KDM4C: variants seen among roughly 807,000 people sequenced by gnomAD.
KDM4C encodes lysine-specific demethylase 4C.
A neutral mutation model predicts 129.3 loss-of-function variants in KDM4C; 81 were observed. The observed-to-expected ratio is 0.63, with a 90% CI of 0.52 to 0.75. KDM4C has a LOEUF of 0.75. Among genes scored for constraint, KDM4C ranks in the 30% least tolerant of loss-of-function variants. The pLI is 0.00. For missense variants in KDM4C, 1,457 were observed against 1,304.0 expected, an observed-to-expected ratio of 1.12 and a Z score of -1.81; for synonymous variants, 573 against 456.1, an observed-to-expected ratio of 1.26 and a Z score of -3.26.
At chr9:6,990,671 G>C (rs983776935) in intron 12 of KDM4C, 147 bp downstream of exon 12, 1 of 592,396 alleles carries the variant, frequency 1.7e-6, no homozygotes, top group Admixed American at 3.3e-5. Context: ...ATAATTTACA[G>C]GTAAAAGGAA....
intron 3 of KDM4C, among the ~76,000 whole-genome samples, chr9:6,808,764 A>C (rs999460504): frequency 6.6e-5 from 10 of 150,384 alleles, no homozygotes; most frequent in Non-Finnish European, 1.5e-4. Context: ...GCCAGTTGTT[A>C]AGTGTAGCTA....
chr9:7,043,452 A>G (rs556009080), intron 15 of KDM4C, among the ~76,000 whole-genome samples: 30 of 152,164 alleles, frequency 2.0e-4, no homozygotes, highest in African/African-American at 7.0e-4. Flanking sequence ...AGAGTTATCA[A>G]TTCTGTTCTC....
At chr9:6,746,689 G>T (rs1370564726) in intron 1 of KDM4C, among the ~76,000 whole-genome samples, 3 of 149,752 alleles carry the variant, frequency 2.0e-5, no homozygotes, top group African/African-American at 7.4e-5. Context: ...AGACTAGCCT[G>T]GGCAACATGG....
At chr9:6,999,343 T>G (rs1377327814) in intron 12 of KDM4C, among the ~76,000 whole-genome samples, 4 of 152,190 alleles carry the variant, frequency 2.6e-5, no homozygotes, top group Admixed American at 6.5e-5. Context: ...ACAAATTTTT[T>G]TAAAGTATTA....
chr9:7,112,291 C>T (rs926913633), intron 18 of KDM4C, among the ~76,000 whole-genome samples: 8 of 152,118 alleles, frequency 5.3e-5, no homozygotes, highest in South Asian at 2.1e-4. Flanking sequence ...TGGTCCCATG[C>T]GAGGTTTATG....
rs558040348 is a variant in KDM4C, at chr9:6,771,740, G to T, written c.-18+13537G>T. ...CTCATAAAAGTCACAATGTAGAATT[G>T]CTGGAAAGCGCTGGTCCAGGCCACA... On this transcript the variant is annotated intron_variant, in intron 1 of 21. Transcript: ENST00000381309. 4.7e-4 allele frequency among the ~76,000 whole-genome samples: 72 copies of T among 152,314 alleles called. 1 individual carries two copies. The highest frequency in any genetic ancestry group is 1.6e-3 in the African/African-American group (68 of 41,566).
At chr9:6,810,930 C>A (rs1289839713) in intron 3 of KDM4C, among the ~76,000 whole-genome samples, 2 of 152,092 alleles carry the variant, frequency 1.3e-5, no homozygotes, top group East Asian at 3.8e-4. Flanking sequence ...GGACTAGTTT[C>A]ATTATAATTG....
intron 8 of KDM4C, among the ~76,000 whole-genome samples, chr9:6,952,769 G>T (rs1440079235): frequency 6.6e-6 from 1 of 152,096 alleles, no homozygotes; most frequent in Non-Finnish European, 1.5e-5. Context: ...GAAAGATCAT[G>T]TGCAGTATTT....
chr9:6,762,956 G>A lies in KDM4C; in HGVS notation c.-18+4753G>A, dbSNP rs111673708. ...ATTACAGGCATGAGCCACCACACCC[G>A]GCCAGGTCATTGTCTTTTTTACTCC... On this transcript the variant is annotated intron_variant, in intron 1 of 21. Coordinates refer to ENST00000381309, the MANE Select transcript of KDM4C (RefSeq NM_015061.6). Among the ~76,000 whole-genome samples the A allele has an allele frequency of 8.2e-3, 1,239 of 151,666 alleles. 18 individuals carry two copies. Among genetic ancestry groups the A allele is most frequent in the Non-Finnish European group, 0.013 (890 of 67,908 alleles).
chr9:6,931,109 C>T (rs1282290580), intron 8 of KDM4C, among the ~76,000 whole-genome samples: 1 of 151,860 alleles, frequency 6.6e-6, no homozygotes, highest in Non-Finnish European at 1.5e-5. Flanking sequence ...CACTTGGAAC[C>T]CTCTCTCTTC....
At chr9:6,972,890 TTG>T (rs1477940958) in intron 8 of KDM4C, among the ~76,000 whole-genome samples, 2 of 152,340 alleles carry the variant, frequency 1.3e-5, no homozygotes, top group Admixed American at 1.3e-4. Context: ...CTGAAATCCA[TTG>T]TGTGTTTTTC....
At chr9:6,808,124 C>T (rs1226181045) in intron 3 of KDM4C, among the ~76,000 whole-genome samples, 1 of 32,914 alleles carries the variant, frequency 3.0e-5, no homozygotes, top group Non-Finnish European at 5.8e-5. Context: ...TGAGGGGCGC[C>T]TCTGCCCGGC....
chr9:7,093,513 T>G (rs1391200275), intron 17 of KDM4C, among the ~76,000 whole-genome samples: 4 of 152,238 alleles, frequency 2.6e-5, no homozygotes, highest in African/African-American at 9.6e-5. Context: ...TGTATTCATG[T>G]AACTTATAAT....
chr9:7,168,143 G>A (rs1164846970), intron 20 of KDM4C, among the ~76,000 whole-genome samples: 1 of 152,116 alleles, frequency 6.6e-6, no homozygotes, highest in East Asian at 1.9e-4. Context: ...AGCCGAGATC[G>A]CGCCGTTGCA....
At chr9:7,067,803 CTT>C (rs1007620859) in intron 17 of KDM4C, among the ~76,000 whole-genome samples, 4 of 149,562 alleles carry the variant, frequency 2.7e-5, no homozygotes, top group African/African-American at 4.9e-5. Context: ...TGATTTTTGA[CTT>C]TTTTTTTTGA....
At chr9:7,075,549 C>T (rs952457344) in intron 17 of KDM4C, among the ~76,000 whole-genome samples, 1 of 152,178 alleles carries the variant, frequency 6.6e-6, no homozygotes, top group Non-Finnish European at 1.5e-5. Context: ...TACCCTCTTT[C>T]ACCATGTGAT....
intron 8 of KDM4C, among the ~76,000 whole-genome samples, chr9:6,900,405 A>C (rs1334884154): frequency 1.3e-5 from 2 of 152,264 alleles, no homozygotes; most frequent in Non-Finnish European, 2.9e-5. Context: ...TTGTCCCATG[A>C]AAGCTGTAGC....
intron 17 of KDM4C, among the ~76,000 whole-genome samples, chr9:7,054,697 A>G (rs1830635531): frequency 1.3e-5 from 2 of 152,242 alleles, no homozygotes; most frequent in African/African-American, 2.4e-5. Flanking sequence ...TATGTTTACC[A>G]TGAATGTTTA....
intron 8 of KDM4C, chr9:6,978,897 C>T (rs1833389252): frequency 6.6e-6 from 1 of 152,112 alleles, no homozygotes; most frequent in East Asian, 1.9e-4. Flanking sequence ...TCTGTTTAGG[C>T]TTCATAGCAT....
Sources: allele counts gnomAD v4.1 joint callset (sites outside exome capture counted in the v4.1 genomes callset), GRCh38; gene constraint gnomAD v4.1.1; transcripts MANE v1.5; gene names NCBI Gene and HGNC (gene_info 2026-07-23, HGNC 2026-07-21).